Variants in CCDC80 observed in about 807,000 individuals in gnomAD.
CCDC80 encodes coiled-coil domain containing 80.
A neutral mutation model predicts 78.7 loss-of-function variants in CCDC80; 49 were observed. The ratio of observed to expected loss-of-function variants is 0.62; its 90% CI spans 0.50 to 0.79. CCDC80 has a LOEUF of 0.79. Ranked by LOEUF, CCDC80 falls within the 30% of genes least tolerant of loss-of-function variation. The pLI is 0.00. For missense variants in CCDC80, 1,205 were observed against 1,198.6 expected, an observed-to-expected ratio of 1.01 and a Z score of -0.08; for synonymous variants, 488 against 447.0, an observed-to-expected ratio of 1.09 and a Z score of -1.16.
At chr3:112,635,004 G>A (rs1187080334) in intron 2 of CCDC80, among the ~76,000 whole-genome samples, 1 of 152,200 alleles carries the variant, frequency 6.6e-6, no homozygotes, top group Admixed American at 6.5e-5. Context: ...CTTGCAGGAT[G>A]TGCCCTTCTT....
Position 112,639,173 on chromosome 3 carries a change from C to T in CCDC80, c.733G>A (p.Glu245Lys). The change falls in exon 2 of 8, where the codon GAG becomes AAG. Residue 245 changes from glutamate to lysine, a missense_variant. Transcript: ENST00000206423. ...MVLLKKTLQVEERYPYPVRLE... is the reference protein window; with the variant it reads ...MVLLKKTLQVKERYPYPVRLE... The stretch of plus-strand genomic sequence containing the variant: ...CTAACGGGATATGGATAGCGCTCCT[C>T]CACCTGCAGCGTCTTCTTCAGCAGC... The T allele has an allele frequency of 1.2e-6, 2 of 1,614,192 alleles. No homozygotes were observed. Among genetic ancestry groups the T allele is most frequent in the Middle Eastern group, 3.3e-4 (2 of 6,062 alleles).
intron 3 of CCDC80, among the ~76,000 whole-genome samples, chr3:112,628,910 C>T (rs763390335): frequency 6.6e-6 from 1 of 151,896 alleles, no homozygotes; most frequent in Non-Finnish European, 1.5e-5. Flanking sequence ...AGAGATCTGC[C>T]GTACAATATT....
chr3:112,624,087 T>A (rs889798626), intron 3 of CCDC80, among the ~76,000 whole-genome samples: 3 of 152,254 alleles, frequency 2.0e-5, no homozygotes, highest in Admixed American at 6.5e-5. Flanking sequence ...GAAAGATATA[T>A]GAAAAAGACA....
intron 3 of CCDC80, among the ~76,000 whole-genome samples, chr3:112,626,213 A>C (rs1449206541): frequency 6.6e-6 from 1 of 152,208 alleles, no homozygotes; most frequent in Non-Finnish European, 1.5e-5. Flanking sequence ...AGGGCACAGA[A>C]TGATTGATAA....
chr3:112,633,684 C>T (rs990090373), intron 2 of CCDC80, among the ~76,000 whole-genome samples: 2 of 152,304 alleles, frequency 1.3e-5, no homozygotes, highest in African/African-American at 2.4e-5. Flanking sequence ...CTCTCCCTTA[C>T]ATTTAATCTG....
intron 5 of CCDC80, among the ~76,000 whole-genome samples, chr3:112,610,531 A>C (rs920010482): frequency 1.6e-4 from 25 of 152,236 alleles, no homozygotes; most frequent in African/African-American, 4.3e-4. Context: ...GAGTAGAAAA[A>C]GATAACTGTA....
At chr3:112,629,181 A>G (rs1421998640) in intron 3 of CCDC80, among the ~76,000 whole-genome samples, 10 of 152,132 alleles carry the variant, frequency 6.6e-5, no homozygotes, top group African/African-American at 2.4e-4. Flanking sequence ...ATATATTACT[A>G]AATATATTTT....
At chr3:112,630,014 C>T in intron 3 of CCDC80, 99 bp downstream of exon 3, 1 of 1,139,528 alleles carries the variant, frequency 8.8e-7, no homozygotes, top group Admixed American at 2.1e-5. Flanking sequence ...CTCTGAACAT[C>T]TTCATTTTCT....
At position 112,638,490 on chromosome 3, in the gene CCDC80, T is replaced by A; in HGVS notation, c.1416A>T (p.Glu472Asp). The A allele has an allele frequency of 6.2e-7, 1 of 1,611,928 alleles. No individual in the cohort carries two copies. The highest frequency in any genetic ancestry group is 2.2e-5 in the East Asian group (1 of 44,752). The change falls in exon 2 of 8, where the codon GAA (glutamate) becomes GAT (aspartate). Residue 472 changes from glutamate to aspartate, a missense_variant. Glu to Asp is a conservative substitution (Grantham distance 45). Coordinates refer to ENST00000206423, the MANE Select transcript of CCDC80 (RefSeq NM_199511.3). ...CCACATTTGGGTCTCGGTGGCCATG[T>A]TCCCGCCTGTCCATGCGGTTGTCCC... ...RFRDNRMDRR[E>D]HGHRDPNVVP...
chr3:112,597,188 C>T lies in CCDC80; in HGVS notation c.*8229G>A, dbSNP rs1935296616. The T allele has an allele frequency of 6.6e-6, 1 of 152,124 alleles. No individual in the cohort carries two copies. Among genetic ancestry groups the T allele is most frequent in the African/African-American group, 2.4e-5 (1 of 41,414 alleles). 9.4% of individuals were successfully genotyped at this position (152,124 alleles called of 1,614,324 possible). A position where few individuals can be genotyped will look rare whatever the true frequency, so the allele number is the denominator to read the frequency against. ...GACAAAACTGGACATTCTGATGACC[C>T]CAGAGATTATGACAGTGTTTTCTGG... is the stretch of plus-strand genomic sequence containing the variant. On this transcript the variant is annotated 3_prime_UTR_variant, in exon 8 of 8. Coordinates refer to ENST00000206423, the MANE Select transcript of CCDC80 (RefSeq NM_199511.3).
At chr3:112,621,005 A>G (rs947186151) in intron 3 of CCDC80, among the ~76,000 whole-genome samples, 1 of 152,208 alleles carries the variant, frequency 6.6e-6, no homozygotes, top group African/African-American at 2.4e-5. Flanking sequence ...TACTTAATGG[A>G]CAAAGTCACA....
intron 3 of CCDC80, among the ~76,000 whole-genome samples, chr3:112,625,830 T>G (rs1935958388): frequency 6.6e-6 from 1 of 152,190 alleles, no homozygotes; most frequent in Non-Finnish European, 1.5e-5. Context: ...CACCTTTTTA[T>G]ATAGCTTTGA....
At chr3:112,614,559 C>T (rs555212776) in intron 5 of CCDC80, among the ~76,000 whole-genome samples, 1 of 151,712 alleles carries the variant, frequency 6.6e-6, no homozygotes, top group East Asian at 1.9e-4. Flanking sequence ...AGAGCCCTTT[C>T]TCAGTGGAGG....
At chr3:112,620,939 A>G (rs1935851557) in intron 3 of CCDC80, among the ~76,000 whole-genome samples, 1 of 152,248 alleles carries the variant, frequency 6.6e-6, no homozygotes, top group Non-Finnish European at 1.5e-5. Context: ...TCAGAAATCA[A>G]TAACTTGGAC....
intron 5 of CCDC80, among the ~76,000 whole-genome samples, chr3:112,612,550 T>C (rs1274198738): frequency 6.6e-6 from 1 of 152,218 alleles, no homozygotes; most frequent in African/African-American, 2.4e-5. Context: ...ACAAGAGTTA[T>C]GAAACTGACC....
chr3:112,617,122 A>G (rs938368806), intron 4 of CCDC80, among the ~76,000 whole-genome samples: 5 of 152,160 alleles, frequency 3.3e-5, no homozygotes, highest in African/African-American at 1.2e-4. Flanking sequence ...TGCCTTCCTC[A>G]CCATACAAGT....
At chr3:112,609,898 T>G in intron 6 of CCDC80, 80 bp downstream of exon 6, 1 of 988,378 alleles carries the variant, frequency 1.0e-6, no homozygotes. Context: ...TTGAATGATC[T>G]AAGGTTCTAT....
At chr3:112,621,091 CT>C (rs897077955) in intron 3 of CCDC80, among the ~76,000 whole-genome samples, 2 of 152,144 alleles carry the variant, frequency 1.3e-5, no homozygotes, top group Admixed American at 6.5e-5. Context: ...TTCTTCCCCC[CT>C]CCCTATAGCT....
intron 2 of CCDC80, among the ~76,000 whole-genome samples, chr3:112,631,731 TTC>T (rs1237883773): frequency 1.3e-5 from 2 of 152,204 alleles, no homozygotes; most frequent in African/African-American, 4.8e-5. Flanking sequence ...CTGTTTATTT[TTC>T]TCTGTCAGAG....
Sources: gnomAD v4.1 joint callset for allele counts (sites outside exome capture counted in the v4.1 genomes callset) on GRCh38, gnomAD v4.1.1 for gene constraint, MANE v1.5 for transcripts, NCBI Gene and HGNC (gene_info 2026-07-23, HGNC 2026-07-21) for gene names.